Variants in CASQ2 observed in about 807,000 individuals in gnomAD.
CASQ2 encodes calsequestrin-2.
A neutral mutation model predicts 46.5 loss-of-function variants in CASQ2; 49 were observed. The observed-to-expected ratio is 1.05, with a 90% CI of 0.84 to 1.34. CASQ2 has a LOEUF of 1.34. Ranked by LOEUF, CASQ2 falls within the 40% of genes most tolerant of loss-of-function variation. CASQ2 has a pLI of 0.00. For missense variants in CASQ2, 486 were observed against 481.3 expected (o/e 1.01, Z -0.09); for synonymous variants, 174 against 168.5 (o/e 1.03, Z -0.25).
At chr1:115,756,315 A>C (rs1270382594) in intron 1 of CASQ2, among the ~76,000 whole-genome samples, 3 of 152,188 alleles carry the variant, frequency 2.0e-5, no homozygotes, top group African/African-American at 7.2e-5. Flanking sequence ...GAAACAGCTT[A>C]TCTGGATAAT....
chr1:115,706,533 G>A (rs1654368611), intron 8 of CASQ2, among the ~76,000 whole-genome samples: 1 of 152,130 alleles, frequency 6.6e-6, no homozygotes, highest in African/African-American at 2.4e-5. Context: ...GTGGGGTTGG[G>A]GTGGAGGACC....
At chr1:115,765,209 G>A (rs1649090552) in intron 1 of CASQ2, among the ~76,000 whole-genome samples, 7 of 152,158 alleles carry the variant, frequency 4.6e-5, no homozygotes, top group Admixed American at 4.6e-4. Flanking sequence ...AGCCACTTGA[G>A]GGTCTCATTT....
chr1:115,723,060 A>G (rs1647437222), intron 7 of CASQ2, among the ~76,000 whole-genome samples: 1 of 152,020 alleles, frequency 6.6e-6, no homozygotes, highest in Admixed American at 6.6e-5. Flanking sequence ...AAAAAATAAT[A>G]ATAATAAAAG....
intron 9 of CASQ2, 128 bp from the exon 10 acceptor site, chr1:115,703,123 T>C: frequency 1.4e-6 from 1 of 735,452 alleles, no homozygotes; most frequent in Admixed American, 2.0e-5. Context: ...TGTGAGCACT[T>C]AGCAAATTGA....
chr1:115,700,665 C>A lies in CASQ2; in HGVS notation c.*576G>T. The A allele has an allele frequency of 4.4e-6, 1 of 227,612 alleles. No homozygotes were observed. The highest frequency in any genetic ancestry group is 5.0e-5 in the Admixed American group (1 of 20,100). The allele number at this position is 227,612 out of a possible 1,614,324, so 14.1% of individuals were successfully genotyped here. On this transcript the variant is annotated 3_prime_UTR_variant, in exon 11 of 11. Coordinates refer to ENST00000261448, the MANE Select transcript of CASQ2 (RefSeq NM_001232.4). ...TCCAAGTTCATAGTGATATGAATGA[C>A]CATCACTTGAAATAAGTTTAACAAA... is the stretch of plus-strand genomic sequence containing the variant.
intron 2 of CASQ2, among the ~76,000 whole-genome samples, chr1:115,744,005 G>A (rs7515275): frequency 0.71 from 107,757 of 151,252 alleles, 42,057 homozygotes; most frequent in Non-Finnish European, 0.88. Flanking sequence ...TGAACTGAGC[G>A]TGGTGGCGTG....
chr1:115,735,250 C>CTCCT (rs1432387508), intron 4 of CASQ2, among the ~76,000 whole-genome samples: 1 of 152,242 alleles, frequency 6.6e-6, no homozygotes, highest in African/African-American at 2.4e-5. Flanking sequence ...ACCTGTATAA[C>CTCCT]TCCTTCTCTT....
At chr1:115,709,282 C>T (rs1305898387) in intron 8 of CASQ2, among the ~76,000 whole-genome samples, 1 of 152,128 alleles carries the variant, frequency 6.6e-6, no homozygotes, top group Non-Finnish European at 1.5e-5. Flanking sequence ...CCCTTTTTGA[C>T]CAGGAAGGCA....
At chr1:115,766,952 A>G (rs1649157544) in intron 1 of CASQ2, among the ~76,000 whole-genome samples, 1 of 152,124 alleles carries the variant, frequency 6.6e-6, no homozygotes, top group African/African-American at 2.4e-5. Context: ...TTTTTAAAAA[A>G]AATTAGAATC....
At chr1:115,759,885 G>T (rs1648880726) in intron 1 of CASQ2, among the ~76,000 whole-genome samples, 1 of 152,162 alleles carries the variant, frequency 6.6e-6, no homozygotes, top group Non-Finnish European at 1.5e-5. Flanking sequence ...CTTTCTGAAG[G>T]TCAACTCTGA....
chr1:115,712,597 T>C (rs1284709711), intron 8 of CASQ2, among the ~76,000 whole-genome samples: 1 of 152,198 alleles, frequency 6.6e-6, no homozygotes, highest in Non-Finnish European at 1.5e-5. Flanking sequence ...AATATGTTGA[T>C]ACTTGTTAAG....
chr1:115,727,806 A>G (rs1647645474), intron 5 of CASQ2, among the ~76,000 whole-genome samples: 2 of 152,194 alleles, frequency 1.3e-5, no homozygotes, highest in Admixed American at 1.3e-4. Context: ...GACCCCAGTA[A>G]GCCAGGATGA....
At chr1:115,710,361 C>G (rs1654498468) in intron 8 of CASQ2, among the ~76,000 whole-genome samples, 1 of 152,206 alleles carries the variant, frequency 6.6e-6, no homozygotes, top group Non-Finnish European at 1.5e-5. Flanking sequence ...CCCAGCATCA[C>G]ACGGGAGCAA....
intron 1 of CASQ2, among the ~76,000 whole-genome samples, chr1:115,761,484 GAA>G (rs1648952032): frequency 1.1e-4 from 3 of 27,926 alleles, no homozygotes; most frequent in Non-Finnish European, 2.4e-4. Context: ...AGAAGAAGAA[GAA>G]GGAGAAGAAG....
intron 8 of CASQ2, among the ~76,000 whole-genome samples, chr1:115,710,791 G>A (rs780075440): frequency 8.5e-5 from 13 of 152,326 alleles, no homozygotes; most frequent in South Asian, 6.2e-4. Flanking sequence ...TGCCACTCAG[G>A]CTTGGAGTCC....
chr1:115,729,199 G>A (rs1476152466), intron 5 of CASQ2, among the ~76,000 whole-genome samples: 2 of 151,790 alleles, frequency 1.3e-5, no homozygotes, highest in Non-Finnish European at 2.9e-5. Flanking sequence ...ATGGGCACAG[G>A]CCACCACACC....
In CASQ2 at chr1:115,750,692, G is replaced by C. The variant is rs543135204; in HGVS notation, c.235-5780C>G. 1.9e-4 allele frequency among the ~76,000 whole-genome samples: 29 copies of C among 152,090 alleles called. 1 individual carries two copies. Among genetic ancestry groups the C allele is most frequent in the East Asian group, 1.9e-4 (1 of 5,178 alleles). On this transcript the variant is annotated intron_variant, in intron 1 of 10. Transcript: ENST00000261448. ...CTTGGCTAATTGTCTAAGTTTTGTC[G>C]AGATAGGGTCTTGCTTTGTTGCCAG...
intron 7 of CASQ2, among the ~76,000 whole-genome samples, chr1:115,719,963 A>G (rs1488300693): frequency 1.3e-5 from 2 of 152,196 alleles, no homozygotes; most frequent in South Asian, 4.1e-4. Context: ...AAGTGGCAAC[A>G]ATATCTGCTA....
At chr1:115,727,250 C>A (rs1570817943) in intron 5 of CASQ2, 128 bp from the exon 6 acceptor site, 3 of 736,116 alleles carry the variant, frequency 4.1e-6, no homozygotes, top group African/African-American at 3.5e-5. Context: ...GTTTTAACTT[C>A]AATGTTGAAG....
Sources: allele counts gnomAD v4.1 joint callset (sites outside exome capture counted in the v4.1 genomes callset), GRCh38; gene constraint gnomAD v4.1.1; transcripts MANE v1.5; gene names NCBI Gene and HGNC (gene_info 2026-07-23, HGNC 2026-07-21).